Variants in DLGAP1 observed in about 807,000 individuals in gnomAD.
The protein encoded by DLGAP1 is DLG associated protein 1.
In DLGAP1, 11 loss-of-function variants were observed where a neutral mutation model predicts 90.8. The observed-to-expected ratio is 0.12, with a 90% CI of 0.08 to 0.20. The LOEUF is 0.20. DLGAP1 is among the 10% of genes least tolerant of loss of function. The pLI is 1.00. For synonymous variants in DLGAP1, 558 were observed against 540.7 expected, an observed-to-expected ratio of 1.03 and a Z score of -0.44; for missense variants, 1,050 against 1,333.8, an observed-to-expected ratio of 0.79 and a Z score of 3.31.
intron 1 of DLGAP1, among the ~76,000 whole-genome samples, chr18:4,450,555 G>C (rs527469766): frequency 1.1e-4 from 17 of 152,272 alleles, no homozygotes; most frequent in African/African-American, 2.9e-4. Context: ...CAAGGCTAGG[G>C]AGATAAGCAA....
At chr18:3,645,024 G>C (rs772195826) in intron 7 of DLGAP1, among the ~76,000 whole-genome samples, 1 of 152,166 alleles carries the variant, frequency 6.6e-6, no homozygotes, top group African/African-American at 2.4e-5. Flanking sequence ...AAGAAAATTG[G>C]TCATGGTAGG....
At chr18:3,769,478 C>G (rs1332453130) in intron 5 of DLGAP1, among the ~76,000 whole-genome samples, 1 of 152,074 alleles carries the variant, frequency 6.6e-6, no homozygotes, top group Non-Finnish European at 1.5e-5. Flanking sequence ...TATAATCGCC[C>G]CAAATTGCGC....
At chr18:3,836,978 C>A (rs548841880) in intron 4 of DLGAP1, among the ~76,000 whole-genome samples, 1 of 152,106 alleles carries the variant, frequency 6.6e-6, no homozygotes, top group Non-Finnish European at 1.5e-5. Flanking sequence ...GGGCTGGCTA[C>A]AGGAGAACTC....
chr18:4,136,090 T>A (rs1460188503), intron 2 of DLGAP1, among the ~76,000 whole-genome samples: 1 of 151,880 alleles, frequency 6.6e-6, no homozygotes, highest in Admixed American at 6.6e-5. Flanking sequence ...TTGTTCAATG[T>A]CCACCTATGA....
At chr18:3,525,553 C>T (rs2051561456) in intron 10 of DLGAP1, among the ~76,000 whole-genome samples, 1 of 152,142 alleles carries the variant, frequency 6.6e-6, no homozygotes, top group Non-Finnish European at 1.5e-5. Flanking sequence ...GCATGCACCA[C>T]CAAGCCCAGC....
intron 2 of DLGAP1, among the ~76,000 whole-genome samples, chr18:4,021,591 CTTTT>C (rs901402050): frequency 4.6e-5 from 7 of 152,000 alleles, no homozygotes; most frequent in African/African-American, 7.2e-5. Flanking sequence ...CTTTTCTTTT[CTTTT>C]TCTTTCTTTT....
At chr18:3,881,861 C>T (rs1013047894) in intron 3 of DLGAP1, among the ~76,000 whole-genome samples, 4 of 152,102 alleles carry the variant, frequency 2.6e-5, no homozygotes, top group South Asian at 2.1e-4. Context: ...TGCAGTGAGC[C>T]GAGATCGTGC....
Position 3,670,074 on chromosome 18 carries a change from A to G in DLGAP1, c.1591+59061T>C, listed in dbSNP as rs1209754384. 4.6e-5 allele frequency among the ~76,000 whole-genome samples: 7 copies of G among 152,340 alleles called. No homozygotes were observed. The East Asian group carries it at 1.2e-3, about 25-fold the overall frequency. On this transcript the variant is annotated intron_variant, in intron 7 of 12. Transcript: ENST00000315677. ...ACCTTTCCCATTTCATTATAACGAT[A>G]GGAAAAGAGTATATTGTTTTACAAC... is the stretch of plus-strand genomic sequence containing the variant.
intron 1 of DLGAP1, among the ~76,000 whole-genome samples, chr18:4,300,697 A>T (rs2080103796): frequency 6.6e-6 from 1 of 152,062 alleles, no homozygotes; most frequent in African/African-American, 2.4e-5. Flanking sequence ...TCACGATTTT[A>T]TGTGTACATG....
intron 3 of DLGAP1, among the ~76,000 whole-genome samples, chr18:3,981,071 A>G (rs1267321658): frequency 6.6e-6 from 1 of 152,230 alleles, no homozygotes; most frequent in East Asian, 1.9e-4. Context: ...TAGCAAATAC[A>G]TTGGAAAGAG....
At chr18:4,410,220 T>G (rs985530208) in intron 1 of DLGAP1, among the ~76,000 whole-genome samples, 2 of 152,138 alleles carry the variant, frequency 1.3e-5, no homozygotes, top group Admixed American at 1.3e-4. Flanking sequence ...GCTTGGGTGA[T>G]GGGTGCACCA....
chr18:3,973,252 C>A (rs2073492543), intron 3 of DLGAP1, among the ~76,000 whole-genome samples: 1 of 134,316 alleles, frequency 7.4e-6, no homozygotes. Context: ...AGAAAAAAAC[C>A]ATTTTCAGTA....
intron 2 of DLGAP1, among the ~76,000 whole-genome samples, chr18:4,015,517 C>T (rs2074507157): frequency 6.6e-6 from 1 of 152,192 alleles, no homozygotes; most frequent in Non-Finnish European, 1.5e-5. Context: ...CAGAACATTG[C>T]TTCCATTGAG....
chr18:3,953,035 G>A (rs866464293), intron 3 of DLGAP1, among the ~76,000 whole-genome samples: 28 of 152,230 alleles, frequency 1.8e-4, no homozygotes, highest in Middle Eastern at 3.4e-3. Context: ...GTTGTATATC[G>A]AATATGCAAA....
intron 1 of DLGAP1, among the ~76,000 whole-genome samples, chr18:4,301,241 TTCC>T (rs1178811734): frequency 1.3e-5 from 2 of 152,162 alleles, no homozygotes. Context: ...ACAACTCATA[TTCC>T]TCCTATCTAA....
intron 3 of DLGAP1, among the ~76,000 whole-genome samples, chr18:3,927,449 A>G (rs2072417510): frequency 6.6e-6 from 1 of 152,258 alleles, no homozygotes; most frequent in Non-Finnish European, 1.5e-5. Context: ...AATGAATAAT[A>G]TATTCCTGTT....
At chr18:4,001,264 G>T (rs761555992) in intron 3 of DLGAP1, among the ~76,000 whole-genome samples, 1 of 151,560 alleles carries the variant, frequency 6.6e-6, no homozygotes, top group Non-Finnish European at 1.5e-5. Flanking sequence ...TGAAGTCTTT[G>T]TTTTTTCAAA....
At chr18:4,430,851 T>C (rs1262836857) in intron 1 of DLGAP1, 1 of 152,516 alleles carries the variant, frequency 6.6e-6, no homozygotes. Flanking sequence ...AAGAGTCATC[T>C]GAAATTGTGA....
At chr18:4,118,122 T>C (rs931851681) in intron 2 of DLGAP1, among the ~76,000 whole-genome samples, 1 of 151,964 alleles carries the variant, frequency 6.6e-6, no homozygotes, top group Non-Finnish European at 1.5e-5. Flanking sequence ...CATGGAGCTA[T>C]GAGTGCCTTC....
Sources: allele counts gnomAD v4.1 joint callset (sites outside exome capture counted in the v4.1 genomes callset), GRCh38; gene constraint gnomAD v4.1.1; transcripts MANE v1.5; gene names NCBI Gene and HGNC (gene_info 2026-07-23, HGNC 2026-07-21).